The following MAP2K6 variants were observed in gnomAD, a reference collection of about 807,000 sequenced individuals.
The protein encoded by MAP2K6 is mitogen-activated protein kinase kinase 6.
A neutral mutation model predicts 53.7 loss-of-function variants in MAP2K6; 16 were observed. The ratio of observed to expected loss-of-function variants is 0.30; its 90% CI spans 0.20 to 0.45. MAP2K6 has a LOEUF of 0.45. Ranked by LOEUF, MAP2K6 falls within the 20% of genes least tolerant of loss-of-function variation. The probability of loss-of-function intolerance (pLI) is 1.00; values close to 1 mark genes in which losing one functional copy is unlikely to be tolerated. For missense variants in MAP2K6, 204 were observed against 411.9 expected, an observed-to-expected ratio of 0.50 and a Z score of 4.37; for synonymous variants, 132 against 143.1, an observed-to-expected ratio of 0.92 and a Z score of 0.55.
chr17:69,455,530 C>G (rs1451886157), intron 1 of MAP2K6, among the ~76,000 whole-genome samples: 1 of 152,188 alleles, frequency 6.6e-6, no homozygotes, highest in Non-Finnish European at 1.5e-5. Flanking sequence ...CCGACTTTCT[C>G]TTAGGTTTCG....
Position 69,538,840 on chromosome 17 carries a change from A to G in MAP2K6, c.927+2680A>G, listed in dbSNP as rs573112622. On this transcript the variant is annotated intron_variant, in intron 11 of 11. Coordinates refer to ENST00000590474, the MANE Select transcript of MAP2K6 (RefSeq NM_002758.4). The stretch of plus-strand genomic sequence containing the variant: ...CAACGATTTCTGTAAAGGACTAAAT[A>G]GTAAGTATTTTAGTCTTTGTAGGCT... Among the ~76,000 whole-genome samples, 3 of 152,320 alleles carry G rather than the reference A, an allele frequency of 2.0e-5. No individual in the cohort carries two copies. The South Asian group carries it at 6.2e-4, about 32-fold the overall frequency.
chr17:69,459,083 C>T (rs1308224640), intron 1 of MAP2K6, among the ~76,000 whole-genome samples: 2 of 152,150 alleles, frequency 1.3e-5, no homozygotes, highest in East Asian at 1.9e-4. Flanking sequence ...CTTTACTTGC[C>T]AGCCCCCAGG....
intron 1 of MAP2K6, among the ~76,000 whole-genome samples, chr17:69,499,822 G>A (rs2716214): frequency 0.4 from 60,807 of 152,058 alleles, 12,547 homozygotes; most frequent in East Asian, 0.52. Flanking sequence ...GAAGATGGTC[G>A]TGGAGATCTA....
intron 7 of MAP2K6, 199 bp downstream of exon 7, chr17:69,521,299 C>T (rs776150672): frequency 4.8e-5 from 21 of 435,640 alleles, no homozygotes; most frequent in Non-Finnish European, 6.5e-5. Flanking sequence ...AAGAAGAAGA[C>T]GTGATCTTTG....
At chr17:69,479,739 A>G (rs1908282766) in intron 1 of MAP2K6, among the ~76,000 whole-genome samples, 2 of 141,060 alleles carry the variant, frequency 1.4e-5, no homozygotes, top group African/African-American at 2.7e-5. Flanking sequence ...TTTTTTTGAG[A>G]TGGAGTCTCA....
At position 69,414,780 on chromosome 17, in the gene MAP2K6, G is replaced by GA; in HGVS notation, c.-200dup. 5.6e-6 allele frequency: 3 copies of GA among 534,616 alleles called. No homozygotes were observed. The highest frequency in any genetic ancestry group is 3.1e-5 in the East Asian group (1 of 31,890). The allele number at this position is 534,616 out of a possible 1,614,324, so 33.1% of individuals were successfully genotyped here. A position where few individuals can be genotyped will look rare whatever the true frequency, so the allele number is the denominator to read the frequency against. ...GCCTTCCCTAACGTTGCAACTGGGG[G>GA]AAAAATCACTTTCCAGTCTGTTTTG... On this transcript the variant is annotated 5_prime_UTR_variant, in exon 1 of 12. Transcript: ENST00000590474.
Position 69,505,853 on chromosome 17 carries a change from TGACAA to T in MAP2K6, c.83+11_83+15del. Reference sequence around the variant, plus strand: ...AACCTCAGACCAGTTCCACGTAAGTTGACAAGACCATCATCTGAATCCAAATCCTT... The same window carrying T: ...AACCTCAGACCAGTTCCACGTAAGTTGACCATCATCTGAATCCAAATCCTT... On this transcript the variant is annotated splice_region_variant and intron_variant, in intron 2 of 11. Coordinates refer to ENST00000590474, the MANE Select transcript of MAP2K6 (RefSeq NM_002758.4). 1 of 1,612,206 alleles carries T rather than the reference TGACAA, an allele frequency of 6.2e-7. No homozygotes were observed. Among genetic ancestry groups the T allele is most frequent in the Non-Finnish European group, 8.5e-7 (1 of 1,178,620 alleles).
chr17:69,423,163 G>A (rs551248257), intron 1 of MAP2K6, among the ~76,000 whole-genome samples: 5 of 152,252 alleles, frequency 3.3e-5, no homozygotes, highest in East Asian at 1.9e-4. Flanking sequence ...GATTACAGGC[G>A]TGAGCCATCG....
At chr17:69,532,887 C>A (rs1911154458) in intron 10 of MAP2K6, among the ~76,000 whole-genome samples, 1 of 152,068 alleles carries the variant, frequency 6.6e-6, no homozygotes, top group Non-Finnish European at 1.5e-5. Flanking sequence ...AACTAGGGTA[C>A]TTTCCCCATA....
chr17:69,534,928 G>T (rs1167161907), intron 10 of MAP2K6, among the ~76,000 whole-genome samples: 2 of 150,466 alleles, frequency 1.3e-5, no homozygotes, highest in African/African-American at 4.9e-5. Flanking sequence ...CTGTAACCTG[G>T]GATTCCAACT....
chr17:69,477,101 T>C (rs1376347095), intron 1 of MAP2K6: 1 of 152,270 alleles, frequency 6.6e-6, no homozygotes, highest in Non-Finnish European at 1.5e-5. Flanking sequence ...ACATTTCTGC[T>C]GTCTGCTAAC....
At chr17:69,477,575 A>G (rs1908195441) in intron 1 of MAP2K6, 1 of 152,224 alleles carries the variant, frequency 6.6e-6, no homozygotes, top group Admixed American at 6.5e-5. Flanking sequence ...GAGAGGAGAT[A>G]AATTAGGAGT....
intron 10 of MAP2K6, among the ~76,000 whole-genome samples, chr17:69,528,516 A>G (rs1425783924): frequency 6.6e-6 from 1 of 151,806 alleles, no homozygotes; most frequent in Non-Finnish European, 1.5e-5. Context: ...TTGGTTGGTT[A>G]TTTATTTATT....
intron 1 of MAP2K6, among the ~76,000 whole-genome samples, chr17:69,428,214 A>G (rs767801407): frequency 6.6e-6 from 1 of 152,250 alleles, no homozygotes; most frequent in Non-Finnish European, 1.5e-5. Flanking sequence ...AACCACGGAA[A>G]TTAATTGTCT....
At chr17:69,456,750 G>A (rs138166688) in intron 1 of MAP2K6, among the ~76,000 whole-genome samples, 2 of 152,188 alleles carry the variant, frequency 1.3e-5, no homozygotes, top group Non-Finnish European at 2.9e-5. Context: ...TTGCTTTCTT[G>A]TGGGTATTGA....
chr17:69,533,508 A>C (rs998693388), intron 10 of MAP2K6, among the ~76,000 whole-genome samples: 4 of 152,116 alleles, frequency 2.6e-5, no homozygotes, highest in Admixed American at 6.5e-5. Flanking sequence ...CTAGTAACGG[A>C]GTGGGCCTGG....
chr17:69,513,062 C>T (rs1367651487), intron 2 of MAP2K6, among the ~76,000 whole-genome samples: 1 of 152,164 alleles, frequency 6.6e-6, no homozygotes, highest in East Asian at 1.9e-4. Context: ...TGACAGAGAA[C>T]ATCCACCCAC....
intron 1 of MAP2K6, among the ~76,000 whole-genome samples, chr17:69,484,706 G>A (rs1218647228): frequency 6.6e-6 from 1 of 152,006 alleles, no homozygotes; most frequent in Non-Finnish European, 1.5e-5. Context: ...ATAAAAGGTG[G>A]CACAGGTATT....
chr17:69,533,294 A>G (rs1402726187), intron 10 of MAP2K6, among the ~76,000 whole-genome samples: 1 of 152,172 alleles, frequency 6.6e-6, no homozygotes, highest in African/African-American at 2.4e-5. Flanking sequence ...CTGACTCAAA[A>G]TCAGTATTTT....
Sources: gnomAD v4.1 joint callset for allele counts (sites outside exome capture counted in the v4.1 genomes callset) on GRCh38, gnomAD v4.1.1 for gene constraint, MANE v1.5 for transcripts, NCBI Gene and HGNC (gene_info 2026-07-23, HGNC 2026-07-21) for gene names.